DMD: variants seen among roughly 807,000 people sequenced by gnomAD.
DMD encodes the protein mutant dystrophin.
In DMD, 63 loss-of-function variants were observed where a neutral mutation model predicts 330.1. The observed-to-expected ratio is 0.19, with a 90% CI of 0.16 to 0.24. The LOEUF is 0.24. Ranked by LOEUF, DMD falls within the 10% of genes least tolerant of loss-of-function variation. The pLI, the probability that DMD is intolerant of heterozygous loss-of-function variation, is 1.00. For synonymous variants in DMD, 1,223 were observed against 959.8 expected, an observed-to-expected ratio of 1.27 and a Z score of -5.07; for missense variants, 3,344 against 2,684.1, an observed-to-expected ratio of 1.25 and a Z score of -5.43.
chrX:32,864,516 C>G (rs1303944345), intron 2 of DMD, among the ~76,000 whole-genome samples: 1 of 112,045 alleles, frequency 8.9e-6, no homozygotes, highest in African/African-American at 3.2e-5. Context: ...AGGTCAGATA[C>G]AGTTATATAG....
At chrX:31,256,553 G>GT (rs56078716) in intron 63 of DMD, among the ~76,000 whole-genome samples, 18,249 of 110,496 alleles carry the variant, frequency 0.17, 1,244 homozygotes, top group East Asian at 0.36. Context: ...ATCTTATATT[G>GT]TTTTTTATCT....
intron 4 of DMD, among the ~76,000 whole-genome samples, chrX:32,827,509 T>A (rs1324630668): frequency 1.8e-5 from 2 of 111,220 alleles, no homozygotes; most frequent in African/African-American, 6.5e-5. Flanking sequence ...GGGGGTTTAA[T>A]GTACACATTA....
intron 78 of DMD, among the ~76,000 whole-genome samples, chrX:31,122,604 A>C (rs1237990630): frequency 3.6e-5 from 4 of 111,739 alleles, no homozygotes; most frequent in Non-Finnish European, 7.5e-5. Context: ...TGCACTATTA[A>C]CATTTGAATT....
chrX:32,709,604 G>A (rs1474281340), intron 7 of DMD, among the ~76,000 whole-genome samples: 1 of 110,607 alleles, frequency 9.0e-6, no homozygotes, highest in Non-Finnish European at 1.9e-5. Context: ...AAATACCGAA[G>A]GCCATTTTAC....
At position 31,371,703 on chromosome X, in the gene DMD, T is replaced by C. The variant is rs780974675; in HGVS notation, c.9085-23069A>G. Among the ~76,000 whole-genome samples, 167 of 111,499 alleles carry C rather than the reference T, an allele frequency of 1.5e-3. 2 individuals carry two copies. Among genetic ancestry groups the C allele is most frequent in the African/African-American group, 5.0e-3 (154 of 30,670 alleles). ...TGTCCAGACACAGCAGGTATCAAGA[T>C]TTGGAGACTTTCCTCATCAGGAGGG... On this transcript the variant is annotated intron_variant, in intron 60 of 78. Transcript: ENST00000357033.
At chrX:32,545,029 C>A in intron 17 of DMD, 130 bp downstream of exon 17, 1 of 613,745 alleles carries the variant, frequency 1.6e-6, no homozygotes, top group South Asian at 2.7e-5. Context: ...ATTTTTCTCA[C>A]TACATTAACT....
At chrX:32,718,315 A>T (rs1412387729) in intron 7 of DMD, among the ~76,000 whole-genome samples, 1 of 110,622 alleles carries the variant, frequency 9.0e-6, no homozygotes, top group Non-Finnish European at 1.9e-5. Flanking sequence ...TTCTCATGAT[A>T]TCTGGTTGTG....
intron 21 of DMD, among the ~76,000 whole-genome samples, chrX:32,475,434 T>A (rs1268526372): frequency 9.0e-6 from 1 of 111,451 alleles, no homozygotes; most frequent in Non-Finnish European, 1.9e-5. Flanking sequence ...AATTTGTAGA[T>A]TGCCTTTGGC....
At chrX:32,967,595 A>C (rs778477463) in intron 2 of DMD, among the ~76,000 whole-genome samples, 1 of 111,609 alleles carries the variant, frequency 9.0e-6, no homozygotes, top group South Asian at 3.8e-4. Context: ...CAAACCCATC[A>C]GAGAAAGTCT....
At position 32,380,449 on chromosome X, in the gene DMD, C is replaced by T. The variant is rs1020930895; in HGVS notation, c.4845+61G>A. On this transcript the variant is annotated intron_variant, in intron 34 of 78. Coordinates refer to ENST00000357033, the MANE Select transcript of DMD (RefSeq NM_004006.3). ...ATTGCTACATGTTAATACTTCCTTA[C>T]AAAATCATATTATGTGTTTTCACGT... 5.7e-5 allele frequency: 60 copies of T among 1,058,315 alleles called. No individual in the cohort carries two copies. The African/African-American group carries it at 1.0e-3, about 18-fold the overall frequency. 87.2% of individuals were successfully genotyped at this position (1,058,315 alleles called of 1,213,427 possible).
intron 25 of DMD, among the ~76,000 whole-genome samples, chrX:32,461,759 CACTGGCCTTCCAGGAAA>C (rs1403560057): frequency 1.8e-5 from 2 of 110,048 alleles, no homozygotes; most frequent in African/African-American, 6.6e-5. Context: ...ATACCTTTCA[CACTGGCCTTCCAGGAAA>C]ACATCAATGG....
intron 74 of DMD, among the ~76,000 whole-genome samples, chrX:31,161,253 C>G (rs2038774662): frequency 9.0e-6 from 1 of 111,581 alleles, no homozygotes; most frequent in Non-Finnish European, 1.9e-5. Context: ...CTATTATCTC[C>G]CTGGCTACAG....
chrX:32,109,633 G>A (rs1291572590), intron 44 of DMD, among the ~76,000 whole-genome samples: 8 of 109,449 alleles, frequency 7.3e-5, no homozygotes, highest in Non-Finnish European at 1.1e-4. Context: ...ATACAGAGAT[G>A]AAGTGATCAT....
intron 74 of DMD, among the ~76,000 whole-genome samples, chrX:31,154,441 C>T (rs1022093705): frequency 1.2e-4 from 13 of 107,653 alleles, no homozygotes; most frequent in South Asian, 4.3e-4. Context: ...TACAGGTGCC[C>T]GCCACCACGC....
Position 32,597,779 on chromosome X carries a change from T to A in DMD, c.1483-1903A>T, listed in dbSNP as rs16990483. On this transcript the variant is annotated intron_variant, in intron 12 of 78. Coordinates refer to ENST00000357033, the MANE Select transcript of DMD (RefSeq NM_004006.3). ...GAGGCTGCTCTAGAACCAAGGTATG[T>A]TGCCTGGGTGCTCCAGATCCCATAA... Among the ~76,000 whole-genome samples, 698 of 112,056 alleles carry A rather than the reference T, an allele frequency of 6.2e-3. 1 individual carries two copies. The highest frequency in any genetic ancestry group is 9.9e-3 in the Non-Finnish European group (527 of 53,185).
chrX:32,797,958 T>C (rs999280584), intron 7 of DMD, among the ~76,000 whole-genome samples: 7 of 111,859 alleles, frequency 6.3e-5, no homozygotes, highest in African/African-American at 2.3e-4. Context: ...TGATTATACT[T>C]CATTATTTAA....
At chrX:32,825,989 T>TA (rs763529558) in intron 4 of DMD, among the ~76,000 whole-genome samples, 3 of 110,465 alleles carry the variant, frequency 2.7e-5, no homozygotes, top group South Asian at 3.8e-4. Flanking sequence ...AATTATACAC[T>TA]AAAAAAATAG....
chrX:31,414,474 T>G (rs1454329579), intron 60 of DMD, among the ~76,000 whole-genome samples: 1 of 112,004 alleles, frequency 8.9e-6, no homozygotes, highest in Non-Finnish European at 1.9e-5. Context: ...CAAAAATCAT[T>G]TTTCCTCAAA....
chrX:31,879,211 G>GT (rs1556965824), intron 47 of DMD, among the ~76,000 whole-genome samples: 3 of 98,389 alleles, frequency 3.0e-5, no homozygotes, highest in East Asian at 5.9e-4. Flanking sequence ...CTACATGGCG[G>GT]GGGGGGGCCT....
Sources: allele counts gnomAD v4.1 joint callset (sites outside exome capture counted in the v4.1 genomes callset), GRCh38; gene constraint gnomAD v4.1.1; transcripts MANE v1.5; gene names NCBI Gene and HGNC (gene_info 2026-07-23, HGNC 2026-07-21).